SYMPK: variants seen among roughly 807,000 people sequenced by gnomAD.
SYMPK encodes the protein symplekin.
A neutral mutation model predicts 136.4 loss-of-function variants in SYMPK; 49 were observed. The observed-to-expected ratio is 0.36, with a 90% CI of 0.29 to 0.46. SYMPK has a LOEUF of 0.46. Ranked by LOEUF, SYMPK falls within the 20% of genes least tolerant of loss-of-function variation. SYMPK has a pLI of 1.00. For synonymous variants in SYMPK, 766 were observed against 713.0 expected, an observed-to-expected ratio of 1.07 and a Z score of -1.19; for missense variants, 1,365 against 1,690.0, an observed-to-expected ratio of 0.81 and a Z score of 3.37.
rs867837706 is a variant in SYMPK, at chr19:45,854,587, T to C, written c.-12-80A>G. ...TGGGCTGGATTGTCACCCGAACACCTACAAAGGGCCCAAGCCTCCTTCCCA... is the reference window on the plus strand; with the variant it reads ...TGGGCTGGATTGTCACCCGAACACCCACAAAGGGCCCAAGCCTCCTTCCCA... On this transcript the variant is annotated intron_variant, in intron 1 of 26. Transcript: ENST00000245934. 3.4e-6 allele frequency: 4 copies of C among 1,164,502 alleles called. No homozygotes were observed. In the Middle Eastern group the frequency reaches 8.4e-4, roughly 244 times the overall value. The allele number at this position is 1,164,502 out of a possible 1,614,324, so 72.1% of individuals were successfully genotyped here.
At position 45,844,086 on chromosome 19, in the gene SYMPK, G is replaced by C; in HGVS notation, c.791C>G (p.Ala264Gly). Residue 264 changes from alanine to glycine, a missense_variant, in exon 8 of 27, where the codon GCC becomes GGC. Ala to Gly is a moderately conservative substitution (Grantham distance 60). Around this residue, in one of 11 missense-constraint regions of SYMPK, gnomAD observed 237 missense variants for 292.9 expected, o/e 0.81. Coordinates refer to ENST00000245934, the MANE Select transcript of SYMPK (RefSeq NM_004819.3). ...TTALGSLANI[A>G]RQRPMFMSEV... ...AGACATGAACATGGGTCTCTGGCGG[G>C]CGATATTGGCAAGGGAGCCCAGCGC... The C allele has an allele frequency of 6.2e-7, 1 of 1,612,020 alleles. No homozygotes were observed. Among genetic ancestry groups the C allele is most frequent in the Admixed American group, 1.7e-5 (1 of 59,810 alleles).
chr19:45,834,486 T>C (rs1029975513), intron 11 of SYMPK, among the ~76,000 whole-genome samples: 11 of 150,642 alleles, frequency 7.3e-5, no homozygotes, highest in Non-Finnish European at 1.2e-4. Flanking sequence ...AAAAGAAATA[T>C]CGTATATAAT....
intron 11 of SYMPK, among the ~76,000 whole-genome samples, chr19:45,834,693 T>C (rs1971263109): frequency 6.6e-6 from 1 of 152,204 alleles, no homozygotes; most frequent in Admixed American, 6.5e-5. Context: ...GGGTGATGGT[T>C]ACACTGGTGT....
At position 45,827,528 on chromosome 19, in the gene SYMPK, G is replaced by A. The variant is rs1971072769; in HGVS notation, c.2163C>T (p.Ser721=). Reference sequence around the variant, plus strand: ...GGATCACCTTGTCCTTCTCATGGGAGCTGAGGTCGAGGAGGACATGCAGGT... The same window carrying A: ...GGATCACCTTGTCCTTCTCATGGGAACTGAGGTCGAGGAGGACATGCAGGT... ...FQYLHVLLDL[S]SHEKDKVRSQ... is the part of the protein sequence containing the mutation. The change falls in exon 16 of 27, where the codon AGC becomes AGT. Residue 721 remains serine (S), a synonymous_variant. Coordinates refer to ENST00000245934, the MANE Select transcript of SYMPK (RefSeq NM_004819.3). The A allele has an allele frequency of 2.5e-6, 4 of 1,613,938 alleles. No homozygotes were observed. The highest frequency in any genetic ancestry group is 3.4e-6 in the Non-Finnish European group (4 of 1,179,826).
intron 5 of SYMPK, among the ~76,000 whole-genome samples, chr19:45,850,193 C>T (rs1258347701): frequency 2.0e-5 from 3 of 151,932 alleles, no homozygotes; most frequent in African/African-American, 4.8e-5. Context: ...TGTAGTCAGC[C>T]GAGATTGCAC....
intron 9 of SYMPK, among the ~76,000 whole-genome samples, chr19:45,839,729 G>A (rs1263923749): frequency 6.6e-6 from 1 of 152,128 alleles, no homozygotes; most frequent in Non-Finnish European, 1.5e-5. Flanking sequence ...CTACTCGGGA[G>A]GCTGAGGCAG....
At chr19:45,835,327 A>T in intron 10 of SYMPK, 99 bp from the exon 11 acceptor site, 4 of 1,269,090 alleles carry the variant, frequency 3.2e-6, no homozygotes, top group African/African-American at 1.5e-5. Context: ...AGTGCCTAAG[A>T]CCGACTTGGG....
chr19:45,843,956 AAAAAAAAAAAAAAAG>A (rs1208286067), intron 8 of SYMPK, 59 bp downstream of exon 8: 18 of 1,018,714 alleles, frequency 1.8e-5, no homozygotes, highest in Non-Finnish European at 2.3e-5. Flanking sequence ...AAAAAAAAAA[AAAAAAAAAAAAAAAG>A]AAAGAGCAGA....
At chr19:45,843,675 A>C (rs1971496100) in intron 8 of SYMPK, among the ~76,000 whole-genome samples, 1 of 152,128 alleles carries the variant, frequency 6.6e-6, no homozygotes, top group Non-Finnish European at 1.5e-5. Context: ...GGCCGGGTGC[A>C]GTGGCTCACA....
At chr19:45,816,406 C>T in intron 25 of SYMPK, 76 bp downstream of exon 25, 4 of 1,521,126 alleles carry the variant, frequency 2.6e-6, no homozygotes, top group Non-Finnish European at 3.5e-6. Flanking sequence ...CAGGAGGAGG[C>T]CATGGTGAGC....
At chr19:45,819,192 GCCCCCCACCT>G (rs1970828479) in intron 22 of SYMPK, 1 of 152,070 alleles carries the variant, frequency 6.6e-6, no homozygotes. Flanking sequence ...CTTTGCCCCA[GCCCCCCACCT>G]GGGCCTCCCC....
chr19:45,857,183 C>T (rs1049148528), intron 1 of SYMPK, among the ~76,000 whole-genome samples: 4 of 151,044 alleles, frequency 2.6e-5, no homozygotes, highest in Admixed American at 1.3e-4. Flanking sequence ...CCAAGGCGGA[C>T]GGATCACGGA....
chr19:45,815,751 G>A, intron 26 of SYMPK, 54 bp from the exon 27 acceptor site: 2 of 1,597,224 alleles, frequency 1.3e-6, no homozygotes, highest in African/African-American at 1.3e-5. Flanking sequence ...TCACCTCCAC[G>A]CTCCCCTTCA....
intron 19 of SYMPK, 38 bp downstream of exon 19, chr19:45,823,729 G>T: frequency 1.3e-6 from 2 of 1,569,566 alleles, no homozygotes; most frequent in Non-Finnish European, 1.8e-6. Flanking sequence ...CTAAGGAGAG[G>T]GAGGAAAGCC....
intron 1 of SYMPK, among the ~76,000 whole-genome samples, chr19:45,860,522 G>C (rs1309801008): frequency 2.6e-5 from 4 of 151,004 alleles, no homozygotes; most frequent in Admixed American, 1.3e-4. Flanking sequence ...GAGAGAGAGA[G>C]AACACTTAAT....
chr19:45,848,139 A>G lies in SYMPK; in HGVS notation c.427-138T>C, dbSNP rs887520371. ...ATTTGGTTAACAGTTACTGAGTTCCAACTCTGCCCCAGCCCAGTGCTCGGT... is the reference window on the plus strand; with the variant it reads ...ATTTGGTTAACAGTTACTGAGTTCCGACTCTGCCCCAGCCCAGTGCTCGGT... On this transcript the variant is annotated intron_variant, in intron 6 of 26. Coordinates refer to ENST00000245934, the MANE Select transcript of SYMPK (RefSeq NM_004819.3). 2.6e-6 allele frequency: 3 copies of G among 1,151,136 alleles called. No individual in the cohort carries two copies. The African/African-American group carries it at 4.7e-5, about 18-fold the overall frequency. The allele number at this position is 1,151,136 out of a possible 1,614,324, so 71.3% of individuals were successfully genotyped here. A position where few individuals can be genotyped will look rare whatever the true frequency, so the allele number is the denominator to read the frequency against.
At chr19:45,823,974 G>A in intron 18 of SYMPK, 99 bp from the exon 19 acceptor site, 2 of 796,842 alleles carry the variant, frequency 2.5e-6, no homozygotes, top group Admixed American at 4.3e-5. Context: ...CTGGCGCCCA[G>A]GGTGAGACTG....
intron 10 of SYMPK, among the ~76,000 whole-genome samples, chr19:45,835,841 G>A (rs1218689734): frequency 2.0e-5 from 3 of 151,852 alleles, no homozygotes; most frequent in Admixed American, 6.6e-5. Context: ...GAATCCAGGC[G>A]GCAGCAGTTG....
intron 18 of SYMPK, among the ~76,000 whole-genome samples, chr19:45,824,883 T>G (rs1971001392): frequency 6.6e-6 from 1 of 152,242 alleles, no homozygotes; most frequent in Non-Finnish European, 1.5e-5. Context: ...GTGGAGGGAC[T>G]GGAACGTCTT....
Sources: gnomAD v4.1 joint callset for allele counts (sites outside exome capture counted in the v4.1 genomes callset) on GRCh38, gnomAD v4.1.1 for gene constraint, gnomAD v4.1.1 regional missense constraint, MANE v1.5 for transcripts, NCBI Gene and HGNC (gene_info 2026-07-23, HGNC 2026-07-21) for gene names.